Variants in IMPG1 observed in about 807,000 individuals in gnomAD.
IMPG1 encodes the protein interphotoreceptor matrix proteoglycan 1, also known as interphotoreceptor matrix proteoglycan of 150 kDa.
Under a neutral mutation model 92.0 loss-of-function variants are expected in IMPG1, and 85 were observed. The observed-to-expected ratio is 0.92, with a 90% confidence interval of 0.78 to 1.11. The LOEUF (loss-of-function observed/expected upper bound fraction) is 1.11. Ranked by LOEUF, IMPG1 falls within the 50% of genes least tolerant of loss-of-function variation. The pLI, the probability that IMPG1 is intolerant of heterozygous loss-of-function variation, is 0.00. For synonymous variants in IMPG1, 367 were observed against 334.1 expected, an observed-to-expected ratio of 1.10 and a Z score of -1.08; for missense variants, 1,022 against 956.0, an observed-to-expected ratio of 1.07 and a Z score of -0.91.
chr6:76,055,799 T>A (rs1298165583), intron 1 of IMPG1, among the ~76,000 whole-genome samples: 1 of 152,000 alleles, frequency 6.6e-6, no homozygotes, highest in African/African-American at 2.4e-5. Context: ...TAATGTTTTA[T>A]CCATAAATTT....
chr6:75,953,639 T>G (rs1004207531), intron 12 of IMPG1, among the ~76,000 whole-genome samples: 2 of 151,990 alleles, frequency 1.3e-5, no homozygotes, highest in Non-Finnish European at 2.9e-5. Flanking sequence ...ATACTTTAAG[T>G]TCTGGGATAC....
At chr6:76,030,820 G>A (rs369468746) in intron 4 of IMPG1, among the ~76,000 whole-genome samples, 2 of 152,180 alleles carry the variant, frequency 1.3e-5, no homozygotes, top group African/African-American at 2.4e-5. Context: ...ACTGTTAGAT[G>A]TACTTCTTTA....
intron 2 of IMPG1, among the ~76,000 whole-genome samples, chr6:76,037,459 T>C (rs1432062349): frequency 6.6e-6 from 1 of 152,204 alleles, no homozygotes; most frequent in East Asian, 1.9e-4. Flanking sequence ...CCTTGCAGAA[T>C]TCATTTTTGT....
intron 12 of IMPG1, among the ~76,000 whole-genome samples, chr6:75,982,487 C>T (rs1387101311): frequency 6.6e-6 from 1 of 151,286 alleles, no homozygotes; most frequent in Non-Finnish European, 1.5e-5. Context: ...TTGCAGTGAG[C>T]TGAGATCGTG....
chr6:76,057,536 A>G (rs76673421), intron 1 of IMPG1, among the ~76,000 whole-genome samples: 3,943 of 152,234 alleles, frequency 0.026, 144 homozygotes, highest in African/African-American at 0.087. Flanking sequence ...AGACAGCCTA[A>G]TATGCTATTT....
chr6:75,952,280 C>T (rs924264054), intron 12 of IMPG1, among the ~76,000 whole-genome samples: 3 of 152,096 alleles, frequency 2.0e-5, no homozygotes, highest in Non-Finnish European at 4.4e-5. Flanking sequence ...CAGGAAAGCT[C>T]TGTTGAAATC....
chr6:75,947,870 AC>A (rs761172544), intron 13 of IMPG1, among the ~76,000 whole-genome samples: 15 of 146,868 alleles, frequency 1.0e-4, no homozygotes, highest in Middle Eastern at 3.6e-3. Context: ...AAAAAAAAAA[AC>A]CCAAGTAAAT....
chr6:75,986,939 C>T (rs1216385281), intron 12 of IMPG1, among the ~76,000 whole-genome samples: 3 of 152,126 alleles, frequency 2.0e-5, no homozygotes, highest in Non-Finnish European at 4.4e-5. Context: ...TCAAATTGCA[C>T]CATAAATGAG....
At chr6:75,971,447 A>G (rs548255511) in intron 12 of IMPG1, among the ~76,000 whole-genome samples, 18 of 151,980 alleles carry the variant, frequency 1.2e-4, no homozygotes, top group Non-Finnish European at 1.3e-4. Flanking sequence ...GTGCACATGT[A>G]CCCTAAAACT....
intron 1 of IMPG1, among the ~76,000 whole-genome samples, chr6:76,049,161 G>A (rs1326697847): frequency 6.6e-6 from 1 of 152,192 alleles, no homozygotes; most frequent in Non-Finnish European, 1.5e-5. Context: ...TGGATACACA[G>A]AGGGGAACAA....
At chr6:75,970,238 G>A (rs1378009874) in intron 12 of IMPG1, among the ~76,000 whole-genome samples, 2 of 152,064 alleles carry the variant, frequency 1.3e-5, no homozygotes, top group East Asian at 3.8e-4. Flanking sequence ...CCTTTTCTAA[G>A]TGATTAAAAT....
intron 4 of IMPG1, among the ~76,000 whole-genome samples, chr6:76,025,536 G>T (rs1783510382): frequency 6.6e-6 from 1 of 152,120 alleles, no homozygotes; most frequent in Admixed American, 6.6e-5. Flanking sequence ...GGTAGGCAAA[G>T]CTGGTCTTTG....
intron 12 of IMPG1, among the ~76,000 whole-genome samples, chr6:75,970,228 C>T (rs868064779): frequency 3.9e-5 from 6 of 152,096 alleles, no homozygotes; most frequent in Middle Eastern, 3.2e-3. Flanking sequence ...TTAAATTATG[C>T]CTTTTCTAAG....
intron 4 of IMPG1, 87 bp downstream of exon 4, chr6:76,034,228 A>G: frequency 8.0e-7 from 1 of 1,242,672 alleles, no homozygotes; most frequent in Non-Finnish European, 1.2e-6. Flanking sequence ...ATAAAATCCT[A>G]CAGGTAGAAT....
intron 1 of IMPG1, among the ~76,000 whole-genome samples, chr6:76,050,916 C>T (rs954309617): frequency 6.6e-6 from 1 of 152,082 alleles, no homozygotes; most frequent in African/African-American, 2.4e-5. Flanking sequence ...AAGCAACAGC[C>T]ATTGGTATAA....
chr6:75,952,105 A>G lies in IMPG1; in HGVS notation c.1292-1011T>C, dbSNP rs548384879. Among the ~76,000 whole-genome samples, 13 of 152,326 alleles carry G rather than the reference A, an allele frequency of 8.5e-5. No homozygotes were observed. In the East Asian group the frequency reaches 2.3e-3, roughly 27 times the overall value. Reference sequence around the variant, plus strand: ...TTTTTGGTACAAAATGAAAATAAATATTTCTAAACTGAGAAAGTGGTGGGA... The same window carrying G: ...TTTTTGGTACAAAATGAAAATAAATGTTTCTAAACTGAGAAAGTGGTGGGA... On this transcript the variant is annotated intron_variant, in intron 12 of 16. Coordinates refer to ENST00000369950, the MANE Select transcript of IMPG1 (RefSeq NM_001563.4).
At chr6:76,034,439 C>G (rs1289061867) in intron 3 of IMPG1, 96 bp from the exon 4 acceptor site, 1 of 1,280,354 alleles carries the variant, frequency 7.8e-7, no homozygotes, top group Non-Finnish European at 1.1e-6. Context: ...TTAACCTACA[C>G]TTCAACCTGA....
Position 76,018,996 on chromosome 6 carries a change from C to G in IMPG1, c.667-138G>C, listed in dbSNP as rs557173300. ...TGTTTTGCAATCAAAATCCTTTTAA[C>G]TAGAACTTAGAGAAGAGCCTAGACT... On this transcript the variant is annotated intron_variant, in intron 6 of 16. Coordinates refer to ENST00000369950, the MANE Select transcript of IMPG1 (RefSeq NM_001563.4). 16 of 766,166 alleles carry G rather than the reference C, an allele frequency of 2.1e-5. 1 individual carries two copies. In the South Asian group the frequency reaches 4.2e-4, roughly 20 times the overall value. 47.5% of individuals were successfully genotyped at this position (766,166 alleles called of 1,614,324 possible).
intron 11 of IMPG1, 90 bp from the exon 12 acceptor site, chr6:76,003,086 T>C: frequency 2.3e-6 from 2 of 880,226 alleles, no homozygotes; most frequent in Non-Finnish European, 3.8e-6. Flanking sequence ...AATTTTCATT[T>C]AAATTTAGGC....
Sources: gnomAD v4.1 joint callset for allele counts (sites outside exome capture counted in the v4.1 genomes callset) on GRCh38, gnomAD v4.1.1 for gene constraint, MANE v1.5 for transcripts, NCBI Gene and HGNC (gene_info 2026-07-23, HGNC 2026-07-21) for gene names.